Variants in SRGAP2C observed in about 807,000 individuals in gnomAD.
SRGAP2C encodes the protein SLIT-ROBO Rho GTPase activating protein 2C.
In SRGAP2C, 15 loss-of-function variants were observed where a neutral mutation model predicts 25.1. That is an observed-to-expected ratio of 0.60 (90% CI 0.40 to 0.92). SRGAP2C has a LOEUF of 0.92. SRGAP2C is among the 40% of genes least tolerant of loss of function. The pLI, the probability that SRGAP2C is intolerant of heterozygous loss-of-function variation, is 0.00. For missense variants in SRGAP2C, 144 were observed against 264.4 expected, an observed-to-expected ratio of 0.54 and a Z score of 3.16; for synonymous variants, 44 against 96.6, an observed-to-expected ratio of 0.46 and a Z score of 3.19.
rs1658278078 is a variant in SRGAP2C, at chr1:121,324,546, G to T, written c.329G>T (p.Ser110Ile). ...NLLLNQVKWE[S>I]RDHTTLSDIY... ...CTCTTAAACCAGGTGAAGTGGGAAA[G>T]CAGGGACCATACCACCCTGAGTGAC... The change falls in exon 4 of 10, where the codon AGC becomes ATC. Residue 110 changes from serine (S) to isoleucine (I), a missense_variant. Physicochemically the swap from Ser to Ile is moderately radical, Grantham distance 142. Transcript: ENST00000367123. The T allele has an allele frequency of 6.2e-7, 1 of 1,613,308 alleles. No homozygotes were observed. The highest frequency in any genetic ancestry group is 1.1e-5 in the South Asian group (1 of 91,070).
At chr1:121,315,433 A>G (rs1257438290) in intron 3 of SRGAP2C, among the ~76,000 whole-genome samples, 3 of 147,950 alleles carry the variant, frequency 2.0e-5, no homozygotes, top group African/African-American at 7.5e-5. Flanking sequence ...AGCATAGTTC[A>G]AGGCGCTTTC....
At chr1:121,194,371 T>A (rs1416922628) in intron 2 of SRGAP2C, among the ~76,000 whole-genome samples, 1 of 133,806 alleles carries the variant, frequency 7.5e-6, no homozygotes, top group East Asian at 2.3e-4. Context: ...TGGGACCCCA[T>A]CTTTGCAAGA....
Position 121,306,745 on chromosome 1 carries a change from C to T in SRGAP2C, c.261-17733C>T, listed in dbSNP as rs1343890413. 1.7e-3 allele frequency among the ~76,000 whole-genome samples: 256 copies of T among 146,406 alleles called. 1 individual carries two copies. The highest frequency in any genetic ancestry group is 5.9e-3 in the African/African-American group (234 of 39,580). Reference sequence around the variant, plus strand: ...TAACTGAAAGAAAAAAAGAAAAAAACGATTCTCAAAGGGATCTGGAATACG... The same window carrying T: ...TAACTGAAAGAAAAAAAGAAAAAAATGATTCTCAAAGGGATCTGGAATACG... On this transcript the variant is annotated intron_variant, in intron 3 of 9. Coordinates refer to ENST00000367123, the MANE Select transcript of SRGAP2C (RefSeq NM_001329984.2).
intron 4 of SRGAP2C, among the ~76,000 whole-genome samples, chr1:121,347,730 G>A (rs1366402776): frequency 3.3e-5 from 5 of 152,166 alleles, no homozygotes; most frequent in Non-Finnish European, 7.3e-5. Flanking sequence ...AAGGCACAGT[G>A]ACACAAAGGG....
Position 121,332,291 on chromosome 1 carries a change from A to C in SRGAP2C, c.423+7651A>C, listed in dbSNP as rs1452816531. Among the ~76,000 whole-genome samples, 146 of 94,120 alleles carry C rather than the reference A, an allele frequency of 1.6e-3. 2 individuals are homozygous for C. Among genetic ancestry groups the C allele is most frequent in the Non-Finnish European group, 2.6e-3 (121 of 46,612 alleles). The allele number at this position is 94,120 out of a possible 152,430, so 61.7% of individuals were successfully genotyped here. ...GAGCACAGAGAATATCTGATGCCCT[A>C]AGATCCTGTCTATCTGTATGTGAGC... On this transcript the variant is annotated intron_variant, in intron 4 of 9. Coordinates refer to ENST00000367123, the MANE Select transcript of SRGAP2C (RefSeq NM_001329984.2).
chr1:121,300,326 C>A (rs1657676548), intron 3 of SRGAP2C, among the ~76,000 whole-genome samples: 1 of 92,980 alleles, frequency 1.1e-5, no homozygotes, highest in African/African-American at 3.9e-5. Context: ...CAGAAGGCAC[C>A]GGGGAGCCAG....
At chr1:121,237,271 T>C (rs1207540558) in intron 2 of SRGAP2C, among the ~76,000 whole-genome samples, 1 of 146,462 alleles carries the variant, frequency 6.8e-6, no homozygotes, top group Non-Finnish European at 1.5e-5. Context: ...GGAGCTTTGC[T>C]CCCCCATCCT....
At chr1:121,279,379 C>T (rs1266130080) in intron 2 of SRGAP2C, among the ~76,000 whole-genome samples, 2 of 140,824 alleles carry the variant, frequency 1.4e-5, no homozygotes, top group Non-Finnish European at 3.1e-5. Context: ...CCCTCACCCC[C>T]TGTACTCTGC....
intron 2 of SRGAP2C, among the ~76,000 whole-genome samples, chr1:121,228,981 A>G (rs1655751275): frequency 6.6e-6 from 1 of 151,880 alleles, no homozygotes; most frequent in African/African-American, 2.4e-5. Context: ...CTGTGATCTC[A>G]GACTCATAAC....
intron 2 of SRGAP2C, among the ~76,000 whole-genome samples, chr1:121,270,879 G>A (rs1283032502): frequency 8.7e-4 from 130 of 148,898 alleles, no homozygotes; most frequent in African/African-American, 2.4e-3. Flanking sequence ...TGCAAGCTCC[G>A]CCTCCCGGGT....
At chr1:121,304,470 GA>G (rs1289038985) in intron 3 of SRGAP2C, among the ~76,000 whole-genome samples, 25 of 147,462 alleles carry the variant, frequency 1.7e-4, no homozygotes, top group South Asian at 9.6e-4. Flanking sequence ...GAGAGTATAA[GA>G]ATGTGGCATC....
chr1:121,235,108 G>A (rs1262624949), intron 2 of SRGAP2C, among the ~76,000 whole-genome samples: 4 of 142,908 alleles, frequency 2.8e-5, no homozygotes, highest in South Asian at 2.3e-4. Context: ...TGCAAGCTCC[G>A]CCTCCCGGGT....
chr1:121,377,163 A>G (rs1448624685), intron 7 of SRGAP2C, among the ~76,000 whole-genome samples: 1 of 139,514 alleles, frequency 7.2e-6, no homozygotes, highest in Non-Finnish European at 1.6e-5. Flanking sequence ...GTGGTGTGAC[A>G]TGCCATTGAA....
rs1223976824 is a variant in SRGAP2C, at chr1:121,388,338, T to C, written c.*483T>C. On this transcript the variant is annotated 3_prime_UTR_variant, in exon 10 of 10. Coordinates refer to ENST00000367123, the MANE Select transcript of SRGAP2C (RefSeq NM_001329984.2). ...GATGGGTAATATGCAGCATTACTATTTTGCACATAATTCCAAAACATCGTA... is the reference window on the plus strand; with the variant it reads ...GATGGGTAATATGCAGCATTACTATCTTGCACATAATTCCAAAACATCGTA... The C allele has an allele frequency of 8.4e-5, 2 of 23,918 alleles. 1 individual carries two copies. The highest frequency in any genetic ancestry group is 1.5e-4 in the Non-Finnish European group (2 of 13,746). 1.5% of individuals were successfully genotyped at this position (23,918 alleles called of 1,614,324 possible).
At chr1:121,363,928 C>G (rs1199317680) in intron 4 of SRGAP2C, among the ~76,000 whole-genome samples, 1 of 151,744 alleles carries the variant, frequency 6.6e-6, no homozygotes, top group Non-Finnish European at 1.5e-5. Flanking sequence ...TTGAGGTTTT[C>G]TAGTTTCCTT....
At chr1:121,290,935 G>A in intron 3 of SRGAP2C, among the ~76,000 whole-genome samples, 1 of 74,170 alleles carries the variant, frequency 1.3e-5, no homozygotes, top group East Asian at 3.2e-4. Context: ...TGGAAAATAA[G>A]GTTAAATAAG....
intron 2 of SRGAP2C, among the ~76,000 whole-genome samples, chr1:121,270,302 T>C (rs1198545613): frequency 1.3e-5 from 2 of 151,980 alleles, no homozygotes; most frequent in East Asian, 3.8e-4. Context: ...CCTTGAATAT[T>C]GCTGTGGAGA....
intron 2 of SRGAP2C, among the ~76,000 whole-genome samples, chr1:121,221,889 C>T (rs1214892737): frequency 1.3e-5 from 2 of 151,782 alleles, no homozygotes; most frequent in Non-Finnish European, 1.5e-5. Context: ...TCCAGTTTGG[C>T]TGTAAACTCA....
chr1:121,363,908 G>C (rs1659259488), intron 4 of SRGAP2C, among the ~76,000 whole-genome samples: 1 of 151,130 alleles, frequency 6.6e-6, no homozygotes, highest in East Asian at 1.9e-4. Context: ...AGTTACTTTT[G>C]TTTTCTTTTT....
Sources: allele counts gnomAD v4.1 joint callset (sites outside exome capture counted in the v4.1 genomes callset), GRCh38; gene constraint gnomAD v4.1.1; transcripts MANE v1.5; gene names NCBI Gene and HGNC (gene_info 2026-07-23, HGNC 2026-07-21).